Variants in HMGCLL1 observed in about 807,000 individuals in gnomAD.
The protein encoded by HMGCLL1 is 3-hydroxy-3-methylglutaryl-CoA lyase like 1, also known as 3-hydroxymethyl-3-methylglutaryl-CoA lyase, cytoplasmic.
Under a neutral mutation model 39.1 loss-of-function variants are expected in HMGCLL1, and 36 were observed. The observed-to-expected ratio is 0.92, with a 90% CI of 0.71 to 1.22. HMGCLL1 has a LOEUF of 1.22. Among genes scored for constraint, HMGCLL1 ranks in the 50% most tolerant of loss-of-function variants. The pLI is 0.00. For missense variants in HMGCLL1, 451 were observed against 416.5 expected, an observed-to-expected ratio of 1.08 and a Z score of -0.72; for synonymous variants, 149 against 144.0, an observed-to-expected ratio of 1.03 and a Z score of -0.25.
Position 55,516,546 on chromosome 6 carries a change from G to T in HMGCLL1, c.355C>A (p.Pro119Thr). 6.2e-7 allele frequency: 1 copy of T among 1,602,744 alleles called. No individual in the cohort carries two copies. ...CCCTGAAGATTAGGAGTAAGGACAG[G>T]ATAGCGAACTCCTGGATATTGATGA... is the stretch of plus-strand genomic sequence containing the variant. Reference protein sequence around the residue: ...GIHQYPGVRYPVLTPNLQGFH... With the variant: ...GIHQYPGVRYTVLTPNLQGFH... Residue 119 changes from proline (P) to threonine (T), a missense_variant, in exon 4 of 9, where the codon CCT becomes ACT. Transcript: ENST00000274901.
At chr6:55,442,762 T>C (rs933448683) in intron 7 of HMGCLL1, among the ~76,000 whole-genome samples, 3 of 152,180 alleles carry the variant, frequency 2.0e-5, no homozygotes, top group Non-Finnish European at 2.9e-5. Context: ...AGTAAAATAC[T>C]GGTACCTTTA....
At chr6:55,579,913 T>TC (rs915709384), upstream of HMGCLL1, among the ~76,000 whole-genome samples, 34 of 152,170 alleles carry the variant, frequency 2.2e-4, no homozygotes, top group Admixed American at 5.9e-4. Context: ...CGGCCTACCT[T>TC]CCCCCCCTCA....
At chr6:55,580,651 G>C (rs142316239), upstream of HMGCLL1, among the ~76,000 whole-genome samples, 1 of 151,886 alleles carries the variant, frequency 6.6e-6, no homozygotes, top group Non-Finnish European at 1.5e-5. Flanking sequence ...TCCTGACCTC[G>C]TGGTCTGACC....
In HMGCLL1 at chr6:55,531,143, A is replaced by G. The variant is rs1441591714; in HGVS notation, c.297+10586T>C. Reference sequence around the variant, plus strand: ...CAAGTCGTAACTATGGCACACTGGAAATAAGTATTACTAAATACTTTCATT... The same window carrying G: ...CAAGTCGTAACTATGGCACACTGGAGATAAGTATTACTAAATACTTTCATT... On this transcript the variant is annotated intron_variant, in intron 3 of 8. Coordinates refer to ENST00000274901, the MANE Select transcript of HMGCLL1 (RefSeq NM_001042406.2). 3.9e-5 allele frequency among the ~76,000 whole-genome samples: 6 copies of G among 152,328 alleles called. No homozygotes were observed. In the East Asian group the frequency reaches 1.2e-3, roughly 29 times the overall value.
At position 55,543,187 on chromosome 6, in the gene HMGCLL1, T is replaced by TC. The variant is rs1769623338; in HGVS notation, c.109-1048_109-1047insG. On this transcript the variant is annotated intron_variant, in intron 1 of 8. Transcript: ENST00000274901. ...TATATAATATATAATATATAATATA[T>TC]AATATATTATATATTATATATTATA... 1.6e-4 allele frequency among the ~76,000 whole-genome samples: 2 copies of TC among 12,722 alleles called. 1 individual carries two copies. The highest frequency in any genetic ancestry group is 3.4e-4 in the Non-Finnish European group (2 of 5,946). The allele number at this position is 12,722 out of a possible 152,430, so 8.3% of individuals were successfully genotyped here.
chr6:55,522,006 C>T (rs1437077819), intron 3 of HMGCLL1, among the ~76,000 whole-genome samples: 2 of 152,048 alleles, frequency 1.3e-5, no homozygotes, highest in African/African-American at 4.8e-5. Flanking sequence ...GTGAAACAGC[C>T]TTATTGCTGA....
chr6:55,549,508 C>T (rs191077137), intron 1 of HMGCLL1, among the ~76,000 whole-genome samples: 7 of 151,518 alleles, frequency 4.6e-5, no homozygotes, highest in East Asian at 1.9e-4. Flanking sequence ...CTGAAAACTA[C>T]GGTTTATAAT....
intron 7 of HMGCLL1, among the ~76,000 whole-genome samples, chr6:55,474,400 C>T (rs1405600156): frequency 6.6e-6 from 1 of 151,576 alleles, no homozygotes; most frequent in Non-Finnish European, 1.5e-5. Context: ...TTAGCCACGT[C>T]TAGTCTACCA....
chr6:55,495,490 G>C lies in HMGCLL1; in HGVS notation c.724C>G (p.Pro242Ala). ...TGACAGTGAACAGCAAGAGCACCTG[G>C]TGGGATTTCTTTCATCACACTTTCC... ...MLESVMKEIP[P>A]GALAVHCHDT... Residue 242 changes from proline to alanine, a missense_variant, in exon 7 of 9, where the codon CCA (proline) becomes GCA (alanine). Pro to Ala is a conservative substitution (Grantham distance 27, BLOSUM62 -1). Coordinates refer to ENST00000274901, the MANE Select transcript of HMGCLL1 (RefSeq NM_001042406.2). The C allele has an allele frequency of 6.2e-7, 1 of 1,614,040 alleles. No individual in the cohort carries two copies.
chr6:55,632,356 G>T, the HMGCLL1 span, among the ~76,000 whole-genome samples: 1 of 151,252 alleles, frequency 6.6e-6, no homozygotes, highest in East Asian at 1.9e-4. Flanking sequence ...AAAATAATCT[G>T]CTTTGGTCAT....
At chr6:55,490,770 T>C (rs1429541818) in intron 7 of HMGCLL1, among the ~76,000 whole-genome samples, 1 of 152,090 alleles carries the variant, frequency 6.6e-6, no homozygotes, top group African/African-American at 2.4e-5. Context: ...TAGATGAAGA[T>C]TATATTATCC....
At chr6:55,504,869 GTTTA>G (rs1561923020) in intron 5 of HMGCLL1, among the ~76,000 whole-genome samples, 1 of 151,544 alleles carries the variant, frequency 6.6e-6, no homozygotes, top group Non-Finnish European at 1.5e-5. Context: ...AATAGGTAAG[GTTTA>G]TTTATGTTCT....
chr6:55,566,751 C>T, intron 1 of HMGCLL1: 1 of 365,860 alleles, frequency 2.7e-6, no homozygotes, highest in Non-Finnish European at 5.6e-6. Context: ...ACAACAGTAG[C>T]CAAGAAAAGG....
chr6:55,664,808 T>C, the HMGCLL1 span, among the ~76,000 whole-genome samples: 1 of 151,682 alleles, frequency 6.6e-6, no homozygotes, highest in Non-Finnish European at 1.5e-5. Context: ...CACACAATTG[T>C]TGGCAGCCCT....
At chr6:55,537,625 A>G (rs1769106847) in intron 3 of HMGCLL1, among the ~76,000 whole-genome samples, 1 of 152,146 alleles carries the variant, frequency 6.6e-6, no homozygotes, top group Non-Finnish European at 1.5e-5. Context: ...GACTGTGGGC[A>G]TTCACACTCA....
the HMGCLL1 span, among the ~76,000 whole-genome samples, chr6:55,604,096 T>G: frequency 2.0e-5 from 3 of 152,128 alleles, no homozygotes; most frequent in African/African-American, 7.2e-5. Flanking sequence ...CCCTTTTTTT[T>G]CTTTAAAAGG....
At chr6:55,678,798 A>C in the HMGCLL1 span, among the ~76,000 whole-genome samples, 6 of 152,200 alleles carry the variant, frequency 3.9e-5, no homozygotes, top group Non-Finnish European at 1.5e-5. Context: ...AAACAAATGG[A>C]AGTGAGAGGT....
At chr6:55,585,379 T>G in the HMGCLL1 span, among the ~76,000 whole-genome samples, 1 of 152,272 alleles carries the variant, frequency 6.6e-6, no homozygotes, top group East Asian at 1.9e-4. Flanking sequence ...CTTTGTTAGA[T>G]GGTTGAAATC....
intron 1 of HMGCLL1, among the ~76,000 whole-genome samples, chr6:55,544,247 A>T (rs533132486): frequency 2.5e-4 from 38 of 152,226 alleles, no homozygotes; most frequent in Non-Finnish European, 4.7e-4. Context: ...GATCTAGTTT[A>T]GAAGATATAT....
Sources: allele counts gnomAD v4.1 joint callset (sites outside exome capture counted in the v4.1 genomes callset), GRCh38; gene constraint gnomAD v4.1.1; transcripts MANE v1.5; gene names NCBI Gene and HGNC (gene_info 2026-07-23, HGNC 2026-07-21).